Variants in MXI1 observed in about 807,000 individuals in gnomAD.
The protein encoded by MXI1 is max-interacting protein 1.
MXI1 carries 18 observed loss-of-function variants against 36.9 expected under a neutral mutation model. The ratio of observed to expected loss-of-function variants is 0.49; its 90% confidence interval spans 0.34 to 0.72. MXI1 has a LOEUF of 0.72. MXI1 is among the 30% of genes least tolerant of loss of function. The pLI is 0.01. For missense variants in MXI1, 304 were observed against 379.1 expected (o/e 0.80, Z 1.64); for synonymous variants, 160 against 146.7 (o/e 1.09, Z -0.65).
intron 2 of MXI1, 43 bp downstream of exon 2, chr10:110,228,364 G>A (rs1240335491): frequency 3.7e-6 from 6 of 1,611,096 alleles, no homozygotes; most frequent in Non-Finnish European, 5.1e-6. Flanking sequence ...TGGAGGGAAG[G>A]AGCACATTTC....
chr10:110,209,001 C>A (rs1453772325), intron 1 of MXI1, among the ~76,000 whole-genome samples: 2 of 149,840 alleles, frequency 1.3e-5, no homozygotes, highest in Middle Eastern at 3.4e-3. Flanking sequence ...TCCCCCCACC[C>A]GCCCACCCCC....
At chr10:110,242,572 C>A (rs1016852925) in intron 2 of MXI1, among the ~76,000 whole-genome samples, 2 of 151,778 alleles carry the variant, frequency 1.3e-5, no homozygotes, top group African/African-American at 4.8e-5. Flanking sequence ...GCATGCATTT[C>A]CTGGTTTGGT....
At position 110,285,099 on chromosome 10, in the gene MXI1, C is replaced by CA; in HGVS notation, c.*116dup. 3.8e-6 allele frequency: 4 copies of CA among 1,047,666 alleles called. No individual in the cohort carries two copies. 64.9% of individuals were successfully genotyped at this position (1,047,666 alleles called of 1,614,324 possible). A position where few individuals can be genotyped will look rare whatever the true frequency, so the allele number is the denominator to read the frequency against. The stretch of plus-strand genomic sequence containing the variant: ...GTCTCCTCTTTAAAACAAAACAAAA[C>CA]AAAACAAAACTATACTTGAACAAAA... On this transcript the variant is annotated 3_prime_UTR_variant, in exon 6 of 6. Coordinates refer to ENST00000332674, the MANE Select transcript of MXI1 (RefSeq NM_130439.3).
chr10:110,275,946 T>C (rs1452802895), intron 3 of MXI1, among the ~76,000 whole-genome samples: 1 of 149,742 alleles, frequency 6.7e-6, no homozygotes, highest in Non-Finnish European at 1.5e-5. Flanking sequence ...TATTTGACAA[T>C]AAAATGTTCA....
intron 1 of MXI1, among the ~76,000 whole-genome samples, chr10:110,217,881 G>A (rs1212278576): frequency 2.0e-5 from 3 of 152,198 alleles, no homozygotes; most frequent in African/African-American, 7.2e-5. Flanking sequence ...AAGGAGTGGT[G>A]ATAATGCCCT....
intron 1 of MXI1, among the ~76,000 whole-genome samples, chr10:110,223,393 C>T (rs1319211185): frequency 2.0e-5 from 3 of 151,978 alleles, no homozygotes; most frequent in African/African-American, 7.3e-5. Context: ...ACCAGTGTGG[C>T]CAACATGGTG....
chr10:110,227,501 G>A (rs1036329453), intron 1 of MXI1: 1 of 987,768 alleles, frequency 1.0e-6, no homozygotes, highest in African/African-American at 1.8e-5. Context: ...CTGGAGAGAG[G>A]GTGACCGTGG....
chr10:110,268,580 C>T (rs1236823869), intron 3 of MXI1, among the ~76,000 whole-genome samples: 1 of 152,256 alleles, frequency 6.6e-6, no homozygotes, highest in Admixed American at 6.5e-5. Context: ...AAGGCATGTT[C>T]ACTTTCTATC....
intron 5 of MXI1, among the ~76,000 whole-genome samples, chr10:110,280,541 G>T (rs953969265): frequency 1.3e-5 from 2 of 151,806 alleles, no homozygotes; most frequent in Non-Finnish European, 1.5e-5. Flanking sequence ...TTAGACGGGC[G>T]TGGTGGCAGG....
chr10:110,243,611 G>A (rs1195311705), intron 2 of MXI1, among the ~76,000 whole-genome samples: 1 of 152,072 alleles, frequency 6.6e-6, no homozygotes, highest in African/African-American at 2.4e-5. Flanking sequence ...CTAGTGACAG[G>A]AATTTAAATT....
chr10:110,234,077 G>A (rs1244143797), intron 2 of MXI1, among the ~76,000 whole-genome samples: 1 of 152,178 alleles, frequency 6.6e-6, no homozygotes, highest in East Asian at 1.9e-4. Flanking sequence ...GATGGTGATT[G>A]CTTAAGCCTT....
At chr10:110,282,914 G>A (rs1289959903) in intron 5 of MXI1, among the ~76,000 whole-genome samples, 1 of 152,146 alleles carries the variant, frequency 6.6e-6, no homozygotes, top group Non-Finnish European at 1.5e-5. Flanking sequence ...CTGGGCTCAA[G>A]CAATCCTCCT....
In MXI1 at chr10:110,271,050, C is replaced by T. The variant is rs1324245507; in HGVS notation, c.438-8130C>T. Among the ~76,000 whole-genome samples the T allele has an allele frequency of 4.0e-5, 6 of 151,416 alleles. No individual in the cohort carries two copies. In the East Asian group the frequency reaches 1.2e-3, roughly 29 times the overall value. ...GAGGTTGCAGTGAGCCGAGATCGCGCCACTGCACTCCAGCTTGGGCAACAG... is the reference window on the plus strand; with the variant it reads ...GAGGTTGCAGTGAGCCGAGATCGCGTCACTGCACTCCAGCTTGGGCAACAG... On this transcript the variant is annotated intron_variant, in intron 3 of 5. Coordinates refer to ENST00000332674, the MANE Select transcript of MXI1 (RefSeq NM_130439.3).
intron 1 of MXI1, among the ~76,000 whole-genome samples, chr10:110,223,957 C>G (rs2134342047): frequency 6.6e-6 from 1 of 151,564 alleles, no homozygotes; most frequent in Middle Eastern, 3.4e-3. Context: ...AATTTTGCAG[C>G]TTGTGACCTC....
intron 1 of MXI1, among the ~76,000 whole-genome samples, chr10:110,209,009 C>T (rs1854438345): frequency 6.6e-6 from 1 of 150,964 alleles, no homozygotes; most frequent in Non-Finnish European, 1.5e-5. Flanking sequence ...CCCGCCCACC[C>T]CCAGATTCAC....
Position 110,228,176 on chromosome 10 carries a change from T to C in MXI1, c.275-13T>C, listed in dbSNP as rs767470767. ...ATTCTTCTTACCGTATCTTTTTTTC[T>C]TGCTTTCTTCAGAGTGTGAACATGG... On this transcript the variant is annotated splice_polypyrimidine_tract_variant and intron_variant, in intron 1 of 5. Transcript: ENST00000332674. 1 of 1,613,568 alleles carries C rather than the reference T, an allele frequency of 6.2e-7. No homozygotes were observed. The highest frequency in any genetic ancestry group is 8.5e-7 in the Non-Finnish European group (1 of 1,179,814).
chr10:110,239,551 C>T (rs983409131), intron 2 of MXI1, among the ~76,000 whole-genome samples: 1 of 152,058 alleles, frequency 6.6e-6, no homozygotes, highest in Admixed American at 6.6e-5. Context: ...TTCTAATTAG[C>T]TTACTGTTGC....
chr10:110,279,294 G>C lies in MXI1; in HGVS notation c.552G>C (p.Lys184Asn). ...TCAACAAAGCCAAAGCACACATCAAGGTGAGAATTTTTACTTTCAGATTTG... is the reference window on the plus strand; with the variant it reads ...TCAACAAAGCCAAAGCACACATCAACGTGAGAATTTTTACTTTCAGATTTG... ...GLLNKAKAHI[K>N]KLEEAERKSQ... Residue 184 changes from lysine (K) to asparagine (N), a missense_variant and splice_region_variant, in exon 4 of 6, where the codon AAG becomes AAC. Around this residue, in one of 2 missense-constraint regions of MXI1, gnomAD observed 125 missense variants for 194.3 expected, o/e 0.64. Transcript: ENST00000332674. 1 of 1,613,226 alleles carries C rather than the reference G, an allele frequency of 6.2e-7. No homozygotes were observed. Among genetic ancestry groups the C allele is most frequent in the Non-Finnish European group, 8.5e-7 (1 of 1,179,214 alleles).
intron 3 of MXI1, among the ~76,000 whole-genome samples, chr10:110,258,895 G>T (rs1330912102): frequency 1.3e-5 from 2 of 150,862 alleles, no homozygotes; most frequent in African/African-American, 4.9e-5. Context: ...TACATATACA[G>T]CAAGGTGACA....
Sources: gnomAD v4.1 joint callset for allele counts (sites outside exome capture counted in the v4.1 genomes callset) on GRCh38, gnomAD v4.1.1 for gene constraint, gnomAD v4.1.1 regional missense constraint, MANE v1.5 for transcripts, NCBI Gene and HGNC (gene_info 2026-07-23, HGNC 2026-07-21) for gene names.